GRIP1: variants seen among roughly 807,000 people sequenced by gnomAD.
The protein encoded by GRIP1 is glutamate receptor-interacting protein 1.
GRIP1 carries 45 observed loss-of-function variants against 129.9 expected under a neutral mutation model. The observed-to-expected ratio is 0.35, with a 90% CI of 0.27 to 0.44. GRIP1 has a LOEUF of 0.44. GRIP1 is among the 20% of genes least tolerant of loss of function. The probability of loss-of-function intolerance (pLI) is 1.00; values close to 1 mark genes in which losing one functional copy is unlikely to be tolerated. For missense variants in GRIP1, 1,196 were observed against 1,396.8 expected (o/e 0.86, Z 2.29); for synonymous variants, 530 against 520.8 (o/e 1.02, Z -0.24).
At chr12:66,928,852 T>C (rs2041339997) in intron 1 of GRIP1, among the ~76,000 whole-genome samples, 1 of 152,198 alleles carries the variant, frequency 6.6e-6, no homozygotes, top group South Asian at 2.1e-4. Flanking sequence ...AGCTGCACAA[T>C]ATCTGTCTAT....
intron 1 of GRIP1, among the ~76,000 whole-genome samples, chr12:67,058,975 A>G (rs889511292): frequency 2.6e-5 from 4 of 152,238 alleles, no homozygotes. Context: ...CGAGTACAAA[A>G]GGAAAGAAGA....
intron 5 of GRIP1, among the ~76,000 whole-genome samples, chr12:66,522,850 GAA>G (rs1370918934): frequency 1.3e-5 from 2 of 152,290 alleles, no homozygotes; most frequent in East Asian, 3.9e-4. Context: ...TGATGGAGCT[GAA>G]AGCCAAGGCT....
intron 1 of GRIP1, among the ~76,000 whole-genome samples, chr12:66,669,053 T>G (rs1052888909): frequency 1.3e-5 from 2 of 152,174 alleles, no homozygotes; most frequent in Non-Finnish European, 2.9e-5. Flanking sequence ...AGAAAAGGCA[T>G]TATCTGAAAC....
At chr12:66,851,499 C>T (rs966327007) in intron 1 of GRIP1, among the ~76,000 whole-genome samples, 9 of 152,082 alleles carry the variant, frequency 5.9e-5, no homozygotes, top group Non-Finnish European at 1.2e-4. Flanking sequence ...AAATCTTCAT[C>T]GTGCAGGTTT....
At chr12:66,694,834 G>C (rs535132182) in intron 1 of GRIP1, among the ~76,000 whole-genome samples, 40 of 152,156 alleles carry the variant, frequency 2.6e-4, no homozygotes, top group African/African-American at 9.6e-4. Flanking sequence ...CCAGTTCCCG[G>C]ATTACCACAG....
At chr12:66,777,032 C>T (rs79156512) in intron 1 of GRIP1, among the ~76,000 whole-genome samples, 1 of 152,146 alleles carries the variant, frequency 6.6e-6, no homozygotes, top group African/African-American at 2.4e-5. Context: ...CAGAAACAAC[C>T]TAAGTATCCA....
At chr12:66,505,150 C>G (rs779421500) in intron 7 of GRIP1, among the ~76,000 whole-genome samples, 19 of 152,078 alleles carry the variant, frequency 1.2e-4, no homozygotes, top group Non-Finnish European at 2.1e-4. Flanking sequence ...TGTGGGTGGT[C>G]CCAAGGTCAT....
intron 9 of GRIP1, 113 bp downstream of exon 9, chr12:66,462,811 A>G: frequency 1.6e-6 from 1 of 625,698 alleles, no homozygotes; most frequent in Non-Finnish European, 2.7e-6. Flanking sequence ...CAAAAAAAAA[A>G]AAAAAAAAAA....
At chr12:66,455,328 C>G in intron 11 of GRIP1, 81 bp downstream of exon 11, 1 of 1,272,978 alleles carries the variant, frequency 7.9e-7, no homozygotes, top group Non-Finnish European at 1.2e-6. Context: ...AAACACTCTT[C>G]CCACAATTTC....
upstream of GRIP1, among the ~76,000 whole-genome samples, chr12:66,808,450 A>G (rs923851715): frequency 2.6e-5 from 4 of 152,018 alleles, no homozygotes; most frequent in Non-Finnish European, 5.9e-5. Flanking sequence ...GGCGCCTGCC[A>G]CCATGTCCAG....
intron 1 of GRIP1, among the ~76,000 whole-genome samples, chr12:66,965,316 T>C (rs1224313891): frequency 6.6e-6 from 1 of 152,124 alleles, no homozygotes; most frequent in Non-Finnish European, 1.5e-5. Flanking sequence ...CTACTTAAGC[T>C]CTCTGATTAC....
intron 9 of GRIP1, among the ~76,000 whole-genome samples, chr12:66,458,246 C>G (rs1565759763): frequency 6.6e-6 from 1 of 151,838 alleles, no homozygotes; most frequent in Non-Finnish European, 1.5e-5. Context: ...TTCAAGCTGC[C>G]ACCTCCTTCA....
intron 2 of GRIP1, among the ~76,000 whole-genome samples, chr12:66,566,380 G>A (rs1455649611): frequency 6.6e-6 from 1 of 152,160 alleles, no homozygotes; most frequent in Non-Finnish European, 1.5e-5. Context: ...AGATAATCGT[G>A]TGGTTTTTGT....
intron 1 of GRIP1, among the ~76,000 whole-genome samples, chr12:66,608,771 C>T (rs369900295): frequency 4.1e-4 from 63 of 152,074 alleles, no homozygotes; most frequent in African/African-American, 1.5e-3. Flanking sequence ...GAAATAGTAA[C>T]GACCACATAG....
intron 1 of GRIP1, among the ~76,000 whole-genome samples, chr12:66,755,005 A>T (rs931144995): frequency 6.6e-6 from 1 of 152,194 alleles, no homozygotes; most frequent in East Asian, 1.9e-4. Context: ...CTAAAATGCC[A>T]TTATATCTTT....
At chr12:66,358,657 C>G (rs2054605940) in intron 23 of GRIP1, among the ~76,000 whole-genome samples, 1 of 152,056 alleles carries the variant, frequency 6.6e-6, no homozygotes, top group Admixed American at 6.5e-5. Flanking sequence ...CCATGTTGGC[C>G]AGGATGGTCT....
chr12:66,887,203 T>C (rs577827235), intron 1 of GRIP1, among the ~76,000 whole-genome samples: 23 of 152,362 alleles, frequency 1.5e-4, no homozygotes, highest in Admixed American at 4.6e-4. Context: ...GTAAAACAAA[T>C]TTTAATGAAA....
At chr12:66,788,783 C>T (rs546741070) in intron 1 of GRIP1, among the ~76,000 whole-genome samples, 11 of 152,130 alleles carry the variant, frequency 7.2e-5, no homozygotes, top group East Asian at 1.9e-4. Flanking sequence ...CCATTCCAGC[C>T]GAGAGATGAT....
At chr12:66,380,120 G>A (rs2056036974) in intron 19 of GRIP1, among the ~76,000 whole-genome samples, 1 of 152,030 alleles carries the variant, frequency 6.6e-6, no homozygotes, top group African/African-American at 2.4e-5. Flanking sequence ...ATGTTGGCCA[G>A]GATGGTCTTG....
Sources: allele counts gnomAD v4.1 joint callset (sites outside exome capture counted in the v4.1 genomes callset), GRCh38; gene constraint gnomAD v4.1.1; transcripts MANE v1.5; gene names NCBI Gene and HGNC (gene_info 2026-07-23, HGNC 2026-07-21).